The following CTSB variants were observed in gnomAD, a reference collection of about 807,000 sequenced individuals.
CTSB encodes the protein cathepsin B.
In CTSB, 57 loss-of-function variants were observed where a neutral mutation model predicts 44.3. That is an observed-to-expected ratio of 1.29 (90% CI 1.04 to 1.60). The LOEUF (loss-of-function observed/expected upper bound fraction) is 1.60. CTSB is among the 40% of genes most tolerant of loss of function. The pLI is 0.00. For synonymous variants in CTSB, 320 were observed against 168.0 expected, an observed-to-expected ratio of 1.91 and a Z score of -7.00; for missense variants, 768 against 443.0, an observed-to-expected ratio of 1.73 and a Z score of -6.59.
intron 1 of CTSB, among the ~76,000 whole-genome samples, chr8:11,862,135 A>C (rs963752066): frequency 1.3e-5 from 2 of 149,156 alleles, no homozygotes; most frequent in Non-Finnish European, 3.0e-5. Context: ...TGAACCCGGG[A>C]GGCGGAGTTT....
chr8:11,846,971 A>C (rs1423805031), intron 8 of CTSB, 81 bp downstream of exon 8: 1 of 770,226 alleles, frequency 1.3e-6, no homozygotes, highest in Non-Finnish European at 2.3e-6. Context: ...ATCCAGCCCT[A>C]TTGGTCAACA....
chr8:11,845,996 G>A (rs1458284508), intron 8 of CTSB, among the ~76,000 whole-genome samples: 1 of 152,198 alleles, frequency 6.6e-6, no homozygotes, highest in Admixed American at 6.5e-5. Flanking sequence ...AAGTTGTTGA[G>A]TAAATATTGA....
chr8:11,846,759 TC>T (rs1241403844), intron 8 of CTSB, among the ~76,000 whole-genome samples: 2 of 152,032 alleles, frequency 1.3e-5, no homozygotes, highest in Non-Finnish European at 2.9e-5. Context: ...AGGGGGGCGT[TC>T]CCACAGAGAA....
At chr8:11,850,200 C>A (rs551502559) in intron 4 of CTSB, among the ~76,000 whole-genome samples, 21 of 152,144 alleles carry the variant, frequency 1.4e-4, no homozygotes, top group Admixed American at 1.3e-3. Flanking sequence ...GAAGGCAGAT[C>A]AACAGGTGAG....
chr8:11,848,569 T>C, intron 5 of CTSB: 1 of 340,682 alleles, frequency 2.9e-6, no homozygotes, highest in Non-Finnish European at 5.8e-6. Flanking sequence ...CATGCATTTT[T>C]TTAAGCCCTC....
chr8:11,866,233 G>C (rs1214841301), intron 1 of CTSB, among the ~76,000 whole-genome samples: 2 of 152,100 alleles, frequency 1.3e-5, no homozygotes, highest in African/African-American at 4.8e-5. Flanking sequence ...CCTACAAAAA[G>C]AGCCTCCCCA....
At chr8:11,852,969 T>C (rs1055782996) in intron 2 of CTSB, among the ~76,000 whole-genome samples, 1 of 152,080 alleles carries the variant, frequency 6.6e-6, no homozygotes, top group African/African-American at 2.4e-5. Context: ...GGGTCAGGGC[T>C]GGGCAGAGAC....
At chr8:11,864,304 C>A (rs1262089907) in intron 1 of CTSB, 1 of 117,766 alleles carries the variant, frequency 8.5e-6, no homozygotes, top group Admixed American at 1.1e-4. Flanking sequence ...CAGTGAGACC[C>A]TGTCTCTACC....
At position 11,847,110 on chromosome 8, in the gene CTSB, T is replaced by A; in HGVS notation, c.735A>T (p.Lys245Asn). The A allele has an allele frequency of 1.2e-6, 2 of 1,613,756 alleles. No individual in the cohort carries two copies. Among genetic ancestry groups the A allele is most frequent in the Non-Finnish European group, 1.7e-6 (2 of 1,179,694 alleles). ...AGAAAGCTCCCTCCACGGGGCCGTT[T>A]TTGTAGATCTCGGCCATGATGTCCT... ...SEKDIMAEIY[K>N]NGPVEGAFSV... Residue 245 changes from lysine (K) to asparagine (N), a missense_variant, in exon 8 of 10, where the codon AAA (lysine) becomes AAT (asparagine). Physicochemically the swap from Lys to Asn is moderately conservative, Grantham distance 94. Coordinates refer to ENST00000353047, the MANE Select transcript of CTSB (RefSeq NM_001908.5).
chr8:11,854,258 G>A (rs1815128241), intron 1 of CTSB, among the ~76,000 whole-genome samples: 1 of 152,158 alleles, frequency 6.6e-6, no homozygotes, highest in Non-Finnish European at 1.5e-5. Context: ...GCTGGGTGAG[G>A]CAGGGGTTCC....
At chr8:11,866,936 G>A (rs1817238733) in intron 1 of CTSB, among the ~76,000 whole-genome samples, 1 of 152,338 alleles carries the variant, frequency 6.6e-6, no homozygotes, top group Non-Finnish European at 1.5e-5. Context: ...TCCTCCGGCA[G>A]CAGGCAGTGG....
chr8:11,848,129 T>A lies in CTSB; in HGVS notation c.470A>T (p.Glu157Val), dbSNP rs899697784. The change falls in exon 6 of 10, where the codon GAA becomes GTA. Residue 157 changes from glutamate (E) to valine (V), a missense_variant. Transcript: ENST00000353047. ...GDGCNGGYPA[E>V]AWNFWTRKGL... ...TTTTCTTGTCCAGAAGTTCCAAGCT[T>A]CAGCAGGATAGCCACCATTACAGCT... 6.2e-7 allele frequency: 1 copy of A among 1,614,022 alleles called. No homozygotes were observed. Among genetic ancestry groups the A allele is most frequent in the African/African-American group, 1.3e-5 (1 of 74,910 alleles).
rs1022641755 is a variant in CTSB at position 11,847,728 on chromosome 8, C to T, written c.627G>A (p.Lys209=). 2.5e-6 allele frequency: 4 copies of T among 1,598,076 alleles called. No homozygotes were observed. Among genetic ancestry groups the T allele is most frequent in the South Asian group, 1.1e-5 (1 of 88,890 alleles). ...TCGGGCTGTAGCCAGGCTCACAGAT[C>T]TTGCTACACTTGGGGGTATCTCCCT... The part of the protein sequence containing the change: ...TGEGDTPKCS[K]ICEPGYSPTY... Residue 209 remains lysine, a synonymous_variant, in exon 7 of 10, where the codon AAG becomes AAA. Transcript: ENST00000353047.
intron 1 of CTSB, among the ~76,000 whole-genome samples, chr8:11,865,854 A>T (rs1302758451): frequency 4.1e-4 from 59 of 143,556 alleles, no homozygotes; most frequent in African/African-American, 1.5e-3. Context: ...TAAAAATACA[A>T]AAAAAAAAAA....
Sources: gnomAD v4.1 joint callset for allele counts (sites outside exome capture counted in the v4.1 genomes callset) on GRCh38, gnomAD v4.1.1 for gene constraint, MANE v1.5 for transcripts, NCBI Gene and HGNC (gene_info 2026-07-23, HGNC 2026-07-21) for gene names.